The following ASAP2 variants were observed in gnomAD, a reference collection of about 807,000 sequenced individuals.
The protein encoded by ASAP2 is ArfGAP with SH3 domain, ankyrin repeat and PH domain 2.
A neutral mutation model predicts 131.4 loss-of-function variants in ASAP2; 45 were observed. The ratio of observed to expected loss-of-function variants is 0.34; its 90% CI spans 0.27 to 0.44. The LOEUF is 0.44. Among genes scored for constraint, ASAP2 ranks in the 20% least tolerant of loss-of-function variants. The probability of loss-of-function intolerance (pLI) is 1.00; values close to 1 mark genes in which losing one functional copy is unlikely to be tolerated. For synonymous variants in ASAP2, 510 were observed against 503.0 expected (o/e 1.01, Z -0.19); for missense variants, 1,011 against 1,297.0 (o/e 0.78, Z 3.39).
chr2:9,384,052 T>C (rs1051415282), intron 20 of ASAP2, among the ~76,000 whole-genome samples: 3 of 152,138 alleles, frequency 2.0e-5, no homozygotes, highest in Non-Finnish European at 2.9e-5. Flanking sequence ...TCAGGAGATA[T>C]ACTTAATGTA....
At chr2:9,263,526 T>G (rs1665722617) in intron 1 of ASAP2, among the ~76,000 whole-genome samples, 1 of 152,260 alleles carries the variant, frequency 6.6e-6, no homozygotes, top group Non-Finnish European at 1.5e-5. Context: ...GTGAAGCCTT[T>G]TGACAGAATT....
intron 16 of ASAP2, among the ~76,000 whole-genome samples, chr2:9,369,388 G>A (rs1673756783): frequency 6.6e-6 from 1 of 152,200 alleles, no homozygotes; most frequent in Non-Finnish European, 1.5e-5. Context: ...TCTTATCAGA[G>A]TGTCAGTGGC....
At chr2:9,270,785 A>ATTTTTTCTT (rs1666300012) in intron 1 of ASAP2, among the ~76,000 whole-genome samples, 1 of 52,924 alleles carries the variant, frequency 1.9e-5, no homozygotes, top group Non-Finnish European at 3.5e-5. Flanking sequence ...AATTGTTTTC[A>ATTTTTTCTT]TTTTTTTTTT....
In ASAP2 at chr2:9,318,221, T is replaced by G. The variant is rs146822411; in HGVS notation, c.346-303T>G. Among the ~76,000 whole-genome samples, 466 of 152,292 alleles carry G rather than the reference T, an allele frequency of 3.1e-3. 4 individuals carry two copies. The highest frequency in any genetic ancestry group is 9.9e-3 in the African/African-American group (413 of 41,560). ...TAGGCTTTCGACGTAATTCTGTCAT[T>G]GAATGTTTTGAAATATTTTTTCTTC... On this transcript the variant is annotated intron_variant, in intron 3 of 27. Transcript: ENST00000281419.
intron 15 of ASAP2, among the ~76,000 whole-genome samples, chr2:9,362,170 G>A (rs971151587): frequency 4.6e-5 from 7 of 152,160 alleles, no homozygotes; most frequent in African/African-American, 9.7e-5. Context: ...CTGTTCTTAC[G>A]AACCTTTCCA....
At chr2:9,350,756 C>T (rs1306959426) in intron 11 of ASAP2, 52 bp from the exon 12 acceptor site, 2 of 1,498,314 alleles carry the variant, frequency 1.3e-6, no homozygotes, top group Non-Finnish European at 1.8e-6. Flanking sequence ...TATGATTTTC[C>T]ATTCCTTCCA....
At chr2:9,376,751 G>A (rs887699132) in intron 17 of ASAP2, among the ~76,000 whole-genome samples, 157 bp from the exon 18 acceptor site, 3 of 152,218 alleles carry the variant, frequency 2.0e-5, no homozygotes, top group Non-Finnish European at 4.4e-5. Flanking sequence ...AGGGCAAAGA[G>A]CTTGTGTAGA....
At chr2:9,367,629 C>T (rs901200621) in intron 15 of ASAP2, among the ~76,000 whole-genome samples, 1 of 151,972 alleles carries the variant, frequency 6.6e-6, no homozygotes, top group Non-Finnish European at 1.5e-5. Flanking sequence ...GGCGTGGTGG[C>T]GTGTGCCTAT....
intron 18 of ASAP2, 113 bp from the exon 19 acceptor site, chr2:9,378,831 C>T: frequency 1.6e-6 from 1 of 642,362 alleles, no homozygotes; most frequent in Middle Eastern, 2.7e-4. Flanking sequence ...AAACCGTTCA[C>T]TCGGGGACTG....
At chr2:9,300,291 G>C (rs1668403426) in intron 3 of ASAP2, among the ~76,000 whole-genome samples, 3 of 152,232 alleles carry the variant, frequency 2.0e-5, no homozygotes, top group Admixed American at 1.3e-4. Context: ...TCCTTGCCTA[G>C]GCAGGCCCAC....
At chr2:9,306,326 C>T (rs979621712) in intron 3 of ASAP2, among the ~76,000 whole-genome samples, 10 of 151,512 alleles carry the variant, frequency 6.6e-5, no homozygotes, top group South Asian at 2.1e-4. Context: ...TGAAGGAGGT[C>T]GGGGAGCCAC....
Position 9,388,426 on chromosome 2 carries a change from C to G in ASAP2, c.2263C>G (p.Pro755Ala). The change falls in exon 22 of 28, where the codon CCC (proline) becomes GCC (alanine). Residue 755 changes from proline to alanine, a missense_variant. By Grantham distance (27) the Pro-to-Ala change is conservative. Around this residue, in one of 2 missense-constraint regions of ASAP2, gnomAD observed 652 missense variants for 698.9 expected, o/e 0.93. Coordinates refer to ENST00000281419, the MANE Select transcript of ASAP2 (RefSeq NM_003887.3). ...CAAGGAGAAGCAGAGGGCTTTCATG[C>G]CCAGCATCTTGCAGAATGAGACTTA... ...LAKEKQRAFM[P>A]SILQNETYGA... The G allele has an allele frequency of 6.2e-7, 1 of 1,614,134 alleles. No individual in the cohort carries two copies. Among genetic ancestry groups the G allele is most frequent in the Non-Finnish European group, 8.5e-7 (1 of 1,180,024 alleles).
Position 9,344,532 on chromosome 2 carries a change from G to A in ASAP2, c.850G>A (p.Asp284Asn). ...AAACACACTCTTCACCATTTTTTAG[G>A]ACTCCCAAATTCGTCAGAGCACAGC... ...KSALQVEQKE[D>N]SQIRQSTAYS... Residue 284 changes from aspartate (D) to asparagine (N), a missense_variant and splice_region_variant, in exon 10 of 28, where the codon GAC (aspartate) becomes AAC (asparagine). Transcript: ENST00000281419. 1.9e-6 allele frequency: 3 copies of A among 1,612,124 alleles called. No individual in the cohort carries two copies. Among genetic ancestry groups the A allele is most frequent in the Non-Finnish European group, 2.5e-6 (3 of 1,178,910 alleles).
rs186234587 is a variant in ASAP2 at position 9,316,892 on chromosome 2, C to G, written c.346-1632C>G. ...TGCCCTTCCTGTTCCCTTTTATCTCCTTTGCCTAGCAACACCCCCCCAACA... is the reference window on the plus strand; with the variant it reads ...TGCCCTTCCTGTTCCCTTTTATCTCGTTTGCCTAGCAACACCCCCCCAACA... On this transcript the variant is annotated intron_variant, in intron 3 of 27. Transcript: ENST00000281419. 5.2e-3 allele frequency among the ~76,000 whole-genome samples: 795 copies of G among 151,634 alleles called. 2 individuals are homozygous for G. The highest frequency in any genetic ancestry group is 0.018 in the African/African-American group (741 of 41,192).
At chr2:9,229,453 G>A (rs935354159) in intron 1 of ASAP2, among the ~76,000 whole-genome samples, 1 of 152,178 alleles carries the variant, frequency 6.6e-6, no homozygotes, top group African/African-American at 2.4e-5. Context: ...CACTGAGCTG[G>A]GAACCAGGGG....
chr2:9,378,093 C>T (rs1674545707), intron 18 of ASAP2, among the ~76,000 whole-genome samples: 1 of 152,184 alleles, frequency 6.6e-6, no homozygotes, highest in Non-Finnish European at 1.5e-5. Context: ...ACACCCCCCG[C>T]TCCCCATGCC....
intron 3 of ASAP2, among the ~76,000 whole-genome samples, chr2:9,305,634 G>C (rs866744855): frequency 1.8e-5 from 2 of 112,216 alleles, no homozygotes; most frequent in African/African-American, 3.7e-5. Context: ...GGACAGGCTG[G>C]AGTAGTGGGG....
intron 15 of ASAP2, among the ~76,000 whole-genome samples, chr2:9,361,525 CTTTTCTT>C (rs1673077323): frequency 6.6e-6 from 1 of 152,028 alleles, no homozygotes; most frequent in East Asian, 1.9e-4. Context: ...TCTTTCTTTT[CTTTTCTT>C]TTTTCTTTCT....
At chr2:9,275,969 G>C (rs1320985570) in intron 1 of ASAP2, among the ~76,000 whole-genome samples, 1 of 152,202 alleles carries the variant, frequency 6.6e-6, no homozygotes, top group Non-Finnish European at 1.5e-5. Flanking sequence ...CTGCTGTAGT[G>C]GATGGCTGTG....
Sources: gnomAD v4.1 joint callset for allele counts (sites outside exome capture counted in the v4.1 genomes callset) on GRCh38, gnomAD v4.1.1 for gene constraint, gnomAD v4.1.1 regional missense constraint, MANE v1.5 for transcripts, NCBI Gene and HGNC (gene_info 2026-07-23, HGNC 2026-07-21) for gene names.